The following IL13RA1 variants were observed in gnomAD, a reference collection of about 807,000 sequenced individuals.
The protein encoded by IL13RA1 is interleukin 13 receptor subunit alpha 1.
Under a neutral mutation model 33.8 loss-of-function variants are expected in IL13RA1, and 14 were observed. That is an observed-to-expected ratio of 0.41 (90% CI 0.27 to 0.65). IL13RA1 has a LOEUF of 0.65. Ranked by LOEUF, IL13RA1 falls within the 30% of genes least tolerant of loss-of-function variation. IL13RA1 has a pLI of 0.28. For missense variants in IL13RA1, 313 were observed against 327.0 expected (o/e 0.96, Z 0.33); for synonymous variants, 116 against 115.7 (o/e 1.00, Z -0.02).
At chrX:118,755,242 C>A (rs1047295927) in intron 4 of IL13RA1, among the ~76,000 whole-genome samples, 1 of 111,241 alleles carries the variant, frequency 9.0e-6, no homozygotes, top group Non-Finnish European at 1.9e-5. Flanking sequence ...ACCCATGGCG[C>A]CTGGCCTGGA....
chrX:118,777,785 T>G (rs2017802210), intron 10 of IL13RA1, among the ~76,000 whole-genome samples: 2 of 111,932 alleles, frequency 1.8e-5, no homozygotes, highest in Admixed American at 9.5e-5. Context: ...CTAACTTTAG[T>G]TGGATTTATC....
At chrX:118,782,119 C>G (rs924150502) in intron 10 of IL13RA1, among the ~76,000 whole-genome samples, 5 of 110,960 alleles carry the variant, frequency 4.5e-5, no homozygotes, top group African/African-American at 1.6e-4. Flanking sequence ...GTCACCGAGG[C>G]TGGAGGGCAG....
intron 6 of IL13RA1, among the ~76,000 whole-genome samples, chrX:118,763,414 G>C (rs1302472579): frequency 8.9e-6 from 1 of 112,146 alleles, no homozygotes; most frequent in African/African-American, 3.2e-5. Context: ...AGAAAACTTA[G>C]TTACTCCTAA....
the IL13RA1 span, among the ~76,000 whole-genome samples, chrX:118,804,861 C>T: frequency 5.3e-5 from 6 of 112,270 alleles, no homozygotes; most frequent in East Asian, 1.4e-3. Context: ...TTTGAATAAA[C>T]ATAGAAATTG....
chrX:118,727,725 G>C lies in IL13RA1; in HGVS notation c.87G>C (p.Thr29=). Residue 29 remains threonine (T), a splice_region_variant and synonymous_variant, in exon 1 of 11, where the codon ACG becomes ACC. Coordinates refer to ENST00000371666, the MANE Select transcript of IL13RA1 (RefSeq NM_001560.3). ...GCGGGGGCGGGGGCGCCGCGCCTAC[G>C]GGTGAGTGCGACCCTCGGGGCCCGA... The part of the protein sequence containing the change: ...GGGGGGGAAP[T]ETQPPVTNLS... The C allele has an allele frequency of 2.3e-6, 2 of 852,716 alleles. No homozygotes were observed. The highest frequency in any genetic ancestry group is 2.9e-6 in the Non-Finnish European group (2 of 686,318). 70.3% of individuals were successfully genotyped at this position (852,716 alleles called of 1,213,427 possible).
chrX:118,799,996 A>G, the IL13RA1 span, among the ~76,000 whole-genome samples: 1 of 104,983 alleles, frequency 9.5e-6, no homozygotes, highest in Non-Finnish European at 2.0e-5. Flanking sequence ...AAACACACCA[A>G]TCAGCACCCT....
chrX:118,756,302 A>C (rs1204987615), intron 4 of IL13RA1, among the ~76,000 whole-genome samples: 3 of 111,598 alleles, frequency 2.7e-5, no homozygotes, highest in African/African-American at 9.8e-5. Flanking sequence ...GTTACTACAA[A>C]ACAGTTCTCT....
intron 3 of IL13RA1, among the ~76,000 whole-genome samples, chrX:118,748,332 G>C (rs1194371124): frequency 3.7e-5 from 3 of 80,813 alleles, no homozygotes; most frequent in African/African-American, 1.5e-4. Context: ...CAACTTACCT[G>C]CCCTATTCTC....
chrX:118,751,413 A>T (rs1466441412), intron 4 of IL13RA1, among the ~76,000 whole-genome samples: 1 of 112,111 alleles, frequency 8.9e-6, no homozygotes, highest in East Asian at 2.8e-4. Context: ...ATAGTGCCTG[A>T]TACAGTGACC....
intron 4 of IL13RA1, among the ~76,000 whole-genome samples, chrX:118,752,430 C>T (rs763398734): frequency 1.8e-5 from 2 of 112,367 alleles, no homozygotes; most frequent in Admixed American, 1.9e-4. Context: ...CTCTTGTAGC[C>T]TAGGCCTTTC....
chrX:118,791,676 T>C, intron 10 of IL13RA1, 86 bp from the exon 11 acceptor site: 1 of 408,361 alleles, frequency 2.4e-6, no homozygotes, highest in South Asian at 5.1e-5. Flanking sequence ...CACACAAACC[T>C]AAAAATAAGC....
chrX:118,782,030 G>A (rs1453541223), intron 10 of IL13RA1, among the ~76,000 whole-genome samples: 2 of 111,611 alleles, frequency 1.8e-5, no homozygotes, highest in African/African-American at 6.5e-5. Flanking sequence ...GGGTTGGGTT[G>A]AATATTACAG....
rs752266380 is a variant in IL13RA1, at chrX:118,752,463, T to C, written c.488+2685T>C. Among the ~76,000 whole-genome samples the C allele has an allele frequency of 1.3e-4, 15 of 112,465 alleles. No individual in the cohort carries two copies. In the East Asian group the frequency reaches 3.6e-3, roughly 27 times the overall value. On this transcript the variant is annotated intron_variant, in intron 4 of 10. Transcript: ENST00000371666. ...TTCCTTTTCATTTGGATGCCTCTTA[T>C]TTGTCTTTATCCTTATTTCAGCCCA...
intron 3 of IL13RA1, 104 bp from the exon 4 acceptor site, chrX:118,749,554 C>G: frequency 1.3e-6 from 1 of 791,429 alleles, no homozygotes; most frequent in Middle Eastern, 3.3e-4. Context: ...TGCTTTCTGA[C>G]AAAGCAGCAT....
At chrX:118,781,316 A>C (rs2017840473) in intron 10 of IL13RA1, among the ~76,000 whole-genome samples, 1 of 110,846 alleles carries the variant, frequency 9.0e-6, no homozygotes. Context: ...ATAACATCCA[A>C]ATACTGCTGA....
At chrX:118,776,804 A>T (rs1435246174) in intron 10 of IL13RA1, among the ~76,000 whole-genome samples, 2 of 107,318 alleles carry the variant, frequency 1.9e-5, no homozygotes, top group East Asian at 2.9e-4. Flanking sequence ...TTTCCACAAA[A>T]TATATAAAAA....
Position 118,756,009 on chromosome X carries a change from G to GT in IL13RA1, c.489-2033dup, listed in dbSNP as rs112607985. 4.3e-3 allele frequency among the ~76,000 whole-genome samples: 446 copies of GT among 104,597 alleles called. 10 individuals are homozygous for GT. The highest frequency in any genetic ancestry group is 0.036 in the Admixed American group (351 of 9,755). 90.8% of individuals were successfully genotyped at this position (104,597 alleles called of 115,157 possible). A position where few individuals can be genotyped will look rare whatever the true frequency, so the allele number is the denominator to read the frequency against. ...GAAGGAATAAATACATTAGCTCTGA[G>GT]TTTTTTTTTTTTTAAACTGACTTGC... On this transcript the variant is annotated intron_variant, in intron 4 of 10. Transcript: ENST00000371666.
chrX:118,760,477 T>C (rs1201169603), intron 5 of IL13RA1, among the ~76,000 whole-genome samples: 1 of 111,911 alleles, frequency 8.9e-6, no homozygotes, highest in African/African-American at 3.2e-5. Context: ...GAAGTACATC[T>C]GGATCCAAGC....
At chrX:118,804,159 G>A in the IL13RA1 span, among the ~76,000 whole-genome samples, 35 of 108,879 alleles carry the variant, frequency 3.2e-4, no homozygotes, top group African/African-American at 1.1e-3. Flanking sequence ...GTTTCACCGC[G>A]TTAGCCAGGC....
Sources: gnomAD v4.1 joint callset for allele counts (sites outside exome capture counted in the v4.1 genomes callset) on GRCh38, gnomAD v4.1.1 for gene constraint, MANE v1.5 for transcripts, NCBI Gene and HGNC (gene_info 2026-07-23, HGNC 2026-07-21) for gene names.